Variants in EPB41L4A observed in about 807,000 individuals in gnomAD.
EPB41L4A encodes band 4.1-like protein 4A.
EPB41L4A carries 100 observed loss-of-function variants against 108.6 expected under a neutral mutation model. The observed-to-expected ratio is 0.92, with a 90% CI of 0.78 to 1.09. The LOEUF (loss-of-function observed/expected upper bound fraction) is 1.09, where lower values mean the gene tolerates loss of function less well. Ranked by LOEUF, EPB41L4A falls within the 50% of genes least tolerant of loss-of-function variation. The pLI, the probability that EPB41L4A is intolerant of heterozygous loss-of-function variation, is 0.00. For synonymous variants in EPB41L4A, 319 were observed against 289.0 expected (o/e 1.10, Z -1.05); for missense variants, 1,030 against 842.7 (o/e 1.22, Z -2.75).
intron 9 of EPB41L4A, among the ~76,000 whole-genome samples, chr5:112,251,312 CACAT>C (rs1482869679): frequency 1.3e-5 from 2 of 152,116 alleles, no homozygotes; most frequent in Non-Finnish European, 2.9e-5. Flanking sequence ...CCTCCAAAAA[CACAT>C]ACACACAAAA....
chr5:112,160,804 C>G (rs373507600), downstream of EPB41L4A: 105 of 156,226 alleles, frequency 6.7e-4, no homozygotes, highest in Non-Finnish European at 1.1e-3. Flanking sequence ...GCTCCCCCCT[C>G]GCGCTCTCGG....
chr5:112,308,335 T>C, intron 1 of EPB41L4A, among the ~76,000 whole-genome samples: 1 of 152,202 alleles, frequency 6.6e-6, no homozygotes, highest in African/African-American at 2.4e-5. Context: ...CAGTTTCATC[T>C]TCCCTCAGAA....
intron 7 of EPB41L4A, among the ~76,000 whole-genome samples, chr5:112,260,701 A>G (rs748504710): frequency 7.2e-5 from 11 of 152,224 alleles, no homozygotes; most frequent in Non-Finnish European, 1.6e-4. Flanking sequence ...AATAAATCCA[A>G]ATTTTAAAAA....
intron 1 of EPB41L4A, among the ~76,000 whole-genome samples, chr5:112,327,574 G>C (rs1415171299): frequency 6.6e-6 from 1 of 151,980 alleles, no homozygotes; most frequent in Non-Finnish European, 1.5e-5. Context: ...AAATTAGCCA[G>C]GTATGGTGAC....
chr5:112,146,586 A>G (rs1176470986), intron 12 of EPB41L4A, among the ~76,000 whole-genome samples: 2 of 152,232 alleles, frequency 1.3e-5, no homozygotes, highest in Admixed American at 6.5e-5. Flanking sequence ...ATTTAGTCAT[A>G]AAAATATAAA....
chr5:112,276,357 CA>C, intron 3 of EPB41L4A, among the ~76,000 whole-genome samples: 1 of 152,124 alleles, frequency 6.6e-6, no homozygotes, highest in Non-Finnish European at 1.5e-5. Context: ...TGCAAGAAGA[CA>C]CAAACCCCTT....
chr5:112,384,047 G>A (rs1037697726), intron 1 of EPB41L4A, among the ~76,000 whole-genome samples: 1 of 152,134 alleles, frequency 6.6e-6, no homozygotes, highest in African/African-American at 2.4e-5. Context: ...TTTATATGAA[G>A]TGCCCAGAAA....
intron 1 of EPB41L4A, among the ~76,000 whole-genome samples, chr5:112,364,340 G>A (rs985242835): frequency 2.6e-5 from 4 of 152,138 alleles, no homozygotes; most frequent in Non-Finnish European, 5.9e-5. Flanking sequence ...ATATTTTCAT[G>A]CAAATATTTG....
At chr5:112,317,249 G>A (rs1402437235) in intron 1 of EPB41L4A, among the ~76,000 whole-genome samples, 1 of 152,094 alleles carries the variant, frequency 6.6e-6, no homozygotes, top group Non-Finnish European at 1.5e-5. Flanking sequence ...TAGAGCAAAA[G>A]AAAGAATGAC....
At chr5:112,211,991 A>G (rs1762767715) in intron 12 of EPB41L4A, among the ~76,000 whole-genome samples, 1 of 152,204 alleles carries the variant, frequency 6.6e-6, no homozygotes, top group South Asian at 2.1e-4. Context: ...ATAAGAAAAG[A>G]CTAATGTTAG....
At chr5:112,158,440 T>C (rs560271797), downstream of EPB41L4A, 1 of 437,360 alleles carries the variant, frequency 2.3e-6, no homozygotes, top group East Asian at 7.3e-5. Context: ...GGTGGTCACA[T>C]ACCTAAGGGA....
intron 17 of EPB41L4A, among the ~76,000 whole-genome samples, chr5:112,191,036 T>C (rs1237734655): frequency 6.6e-6 from 1 of 152,146 alleles, no homozygotes; most frequent in African/African-American, 2.4e-5. Context: ...CTTTCTGTCA[T>C]CTTAAATATT....
chr5:112,308,828 A>T (rs1240684019), intron 1 of EPB41L4A, among the ~76,000 whole-genome samples: 1 of 144,402 alleles, frequency 6.9e-6, no homozygotes, highest in Non-Finnish European at 1.5e-5. Context: ...TGATGAGAGT[A>T]TATGTTTTCC....
intron 2 of EPB41L4A, among the ~76,000 whole-genome samples, chr5:112,299,987 T>C (rs1181201405): frequency 6.6e-6 from 1 of 152,214 alleles, no homozygotes; most frequent in Non-Finnish European, 1.5e-5. Context: ...TGGTGTCTAT[T>C]TGCATGGAAT....
chr5:112,322,252 G>C (rs1755830585), intron 1 of EPB41L4A, among the ~76,000 whole-genome samples: 1 of 152,160 alleles, frequency 6.6e-6, no homozygotes, highest in Non-Finnish European at 1.5e-5. Flanking sequence ...CCTCATTTTA[G>C]AGACAAGATC....
chr5:112,213,380 G>A (rs1462844567), intron 12 of EPB41L4A, among the ~76,000 whole-genome samples: 1 of 144,498 alleles, frequency 6.9e-6, no homozygotes, highest in Non-Finnish European at 1.5e-5. Flanking sequence ...ATAGACTCTT[G>A]CTCTGTCACC....
In EPB41L4A at chr5:112,259,191, C is replaced by T. The variant is rs781182047; in HGVS notation, c.795+38G>A. 3 of 1,458,038 alleles carry T rather than the reference C, an allele frequency of 2.1e-6. No homozygotes were observed. The South Asian group carries it at 3.4e-5, about 17-fold the overall frequency. The allele number at this position is 1,458,038 out of a possible 1,614,324, so 90.3% of individuals were successfully genotyped here. A position where few individuals can be genotyped will look rare whatever the true frequency, so the allele number is the denominator to read the frequency against. On this transcript the variant is annotated intron_variant, in intron 9 of 22. Transcript: ENST00000261486. ...AAGCTACAAATGAACACACAAGACACCCCTCTTCTAATTTAAGCTAAGGGC... is the reference window on the plus strand; with the variant it reads ...AAGCTACAAATGAACACACAAGACATCCCTCTTCTAATTTAAGCTAAGGGC...
At chr5:112,202,284 G>A (rs1762257351) in intron 15 of EPB41L4A, among the ~76,000 whole-genome samples, 2 of 152,088 alleles carry the variant, frequency 1.3e-5, no homozygotes, top group South Asian at 4.1e-4. Context: ...GCTCAGGATT[G>A]CCTGCTCAAA....
Position 112,200,475 on chromosome 5 carries a change from T to G in EPB41L4A, c.1376+3900A>C, listed in dbSNP as rs190901910. Among the ~76,000 whole-genome samples, 282 of 152,320 alleles carry G rather than the reference T, an allele frequency of 1.9e-3. 1 individual carries two copies. The highest frequency in any genetic ancestry group is 3.2e-3 in the Non-Finnish European group (220 of 68,028). On this transcript the variant is annotated intron_variant, in intron 15 of 22. Transcript: ENST00000261486. ...ACATAGCTTACCTTCATATTATGTA[T>G]TAAAGTCACAATGGCACATATATTC...
Sources: gnomAD v4.1 joint callset for allele counts (sites outside exome capture counted in the v4.1 genomes callset) on GRCh38, gnomAD v4.1.1 for gene constraint, MANE v1.5 for transcripts, NCBI Gene and HGNC (gene_info 2026-07-23, HGNC 2026-07-21) for gene names.